The following RC3H2 variants were observed in gnomAD, a reference collection of about 807,000 sequenced individuals.
RC3H2 encodes roquin-2.
In RC3H2, 31 loss-of-function variants were observed where a neutral mutation model predicts 133.3. That is an observed-to-expected ratio of 0.23 (90% CI 0.17 to 0.31). RC3H2 has a LOEUF of 0.31. Among genes scored for constraint, RC3H2 ranks in the 10% least tolerant of loss-of-function variants. The pLI, the probability that RC3H2 is intolerant of heterozygous loss-of-function variation, is 1.00. For synonymous variants in RC3H2, 517 were observed against 502.2 expected (o/e 1.03, Z -0.40); for missense variants, 1,175 against 1,437.2 (o/e 0.82, Z 2.95).
chr9:122,877,729 C>A (rs898782980), intron 8 of RC3H2, 146 bp from the exon 9 acceptor site: 37 of 643,602 alleles, frequency 5.7e-5, no homozygotes, highest in Non-Finnish European at 9.2e-5. Context: ...ACTAATATTC[C>A]ATTGTTTCCT....
At chr9:122,867,248 C>G (rs1171377002) in intron 9 of RC3H2, among the ~76,000 whole-genome samples, 1 of 102,744 alleles carries the variant, frequency 9.7e-6, no homozygotes, top group Non-Finnish European at 2.1e-5. Flanking sequence ...ATCAGCCCCC[C>G]GCCCGGCCAG....
chr9:122,880,699 A>C lies in RC3H2; in HGVS notation c.855T>G (p.Val285=), dbSNP rs1372537152. ...GGAGTCCTGCTTCCATGGCAATATG[A>C]ACAATTTGGGCATCATGTTCTCTGC... The part of the protein sequence containing the change: ...ALRREHDAQI[V]HIAMEAGLRI... The change falls in exon 6 of 21, where the codon GTT becomes GTG. Residue 285 remains valine (V), a synonymous_variant. Transcript: ENST00000357244. 1.2e-6 allele frequency: 2 copies of C among 1,614,098 alleles called. No homozygotes were observed. Among genetic ancestry groups the C allele is most frequent in the Admixed American group, 1.7e-5 (1 of 60,026 alleles).
intron 1 of RC3H2, among the ~76,000 whole-genome samples, chr9:122,901,065 C>T (rs1046916880): frequency 1.4e-4 from 21 of 152,118 alleles, no homozygotes; most frequent in African/African-American, 4.6e-4. Context: ...CTTATTAGTC[C>T]ACCATATTAT....
At chr9:122,876,085 AAAG>A (rs1831322102) in intron 9 of RC3H2, among the ~76,000 whole-genome samples, 2 of 152,214 alleles carry the variant, frequency 1.3e-5, no homozygotes, top group African/African-American at 4.8e-5. Context: ...ACAAGGATGG[AAAG>A]AAGAATAAAG....
At position 122,854,755 on chromosome 9, in the gene RC3H2, C is replaced by A; in HGVS notation, c.2816-140G>T. 4 of 656,736 alleles carry A rather than the reference C, an allele frequency of 6.1e-6. No homozygotes were observed. The South Asian group carries it at 7.0e-5, about 11-fold the overall frequency. The allele number at this position is 656,736 out of a possible 1,614,324, so 40.7% of individuals were successfully genotyped here. A position where few individuals can be genotyped will look rare whatever the true frequency, so the allele number is the denominator to read the frequency against. On this transcript the variant is annotated intron_variant, in intron 15 of 20. Transcript: ENST00000357244. The stretch of plus-strand genomic sequence containing the variant: ...GTTAAACACCTAATTCTGAGTTTCC[C>A]ATGGTTGTTAAATGGAGGGAAATGT...
At chr9:122,899,524 T>C (rs967469452) in intron 1 of RC3H2, among the ~76,000 whole-genome samples, 4 of 152,250 alleles carry the variant, frequency 2.6e-5, no homozygotes, top group Non-Finnish European at 5.9e-5. Flanking sequence ...AATATCGTTA[T>C]CTTTAAAGTA....
chr9:122,897,212 C>T (rs1314500457), intron 2 of RC3H2, 67 bp downstream of exon 2: 8 of 1,442,970 alleles, frequency 5.5e-6, no homozygotes, highest in East Asian at 2.3e-5. Flanking sequence ...CTGGACAAGC[C>T]GTTAAAATAA....
intron 10 of RC3H2, among the ~76,000 whole-genome samples, chr9:122,862,274 G>C (rs897106825): frequency 4.6e-5 from 7 of 152,170 alleles, no homozygotes; most frequent in Non-Finnish European, 8.8e-5. Flanking sequence ...AATCATGCAA[G>C]CTATCTCAAA....
At chr9:122,850,396 T>C (rs1208904972) in intron 20 of RC3H2, among the ~76,000 whole-genome samples, 1 of 151,498 alleles carries the variant, frequency 6.6e-6, no homozygotes, top group Non-Finnish European at 1.5e-5. Flanking sequence ...ATGGCAGTAT[T>C]ATAGCCAAGA....
At chr9:122,849,963 A>C (rs1200467310) in intron 20 of RC3H2, 141 bp from the exon 21 acceptor site, 11 of 492,702 alleles carry the variant, frequency 2.2e-5, no homozygotes, top group Middle Eastern at 5.4e-4. Context: ...AAGTATCAGA[A>C]GTAACTAGAA....
rs2131377619 is a variant in RC3H2, at chr9:122,851,029, T to C, written c.3380+52A>G. The C allele has an allele frequency of 6.3e-6, 10 of 1,584,432 alleles. No individual in the cohort carries two copies. In the South Asian group the frequency reaches 1.0e-4, roughly 16 times the overall value. On this transcript the variant is annotated intron_variant, in intron 20 of 20. Coordinates refer to ENST00000357244, the MANE Select transcript of RC3H2 (RefSeq NM_001100588.3). Reference sequence around the variant, plus strand: ...CAAAAATTAATTTCGCATTTTTTTCTCTTTATTATGTCCTATGCCCACTGT... The same window carrying C: ...CAAAAATTAATTTCGCATTTTTTTCCCTTTATTATGTCCTATGCCCACTGT...
At chr9:122,902,352 C>T (rs1385729618) in intron 1 of RC3H2, among the ~76,000 whole-genome samples, 1 of 152,210 alleles carries the variant, frequency 6.6e-6, no homozygotes, top group Non-Finnish European at 1.5e-5. Flanking sequence ...CTTCATATTA[C>T]CAAAGTCCTT....
intron 9 of RC3H2, among the ~76,000 whole-genome samples, chr9:122,871,513 G>A (rs909284092): frequency 6.6e-6 from 1 of 151,206 alleles, no homozygotes; most frequent in Admixed American, 6.6e-5. Context: ...TAGTGGGGGG[G>A]GGGGTTTCAT....
intron 14 of RC3H2, 88 bp downstream of exon 14, chr9:122,855,644 T>A (rs1830214476): frequency 7.0e-7 from 1 of 1,422,172 alleles, no homozygotes; most frequent in South Asian, 1.4e-5. Flanking sequence ...ACAATATGAA[T>A]GAATGAATAG....
chr9:122,884,390 T>C (rs1831802995), intron 4 of RC3H2, among the ~76,000 whole-genome samples: 2 of 152,230 alleles, frequency 1.3e-5, no homozygotes. Flanking sequence ...TGCATGAGAC[T>C]GTTACTTTGC....
Position 122,858,876 on chromosome 9 carries a change from A to G in RC3H2, c.2076T>C (p.Ala692=), listed in dbSNP as rs754000071. 8.7e-6 allele frequency: 14 copies of G among 1,614,154 alleles called. No homozygotes were observed. In the Middle Eastern group the frequency reaches 4.9e-4, roughly 57 times the overall value. The change falls in exon 12 of 21, where the codon GCT becomes GCC. Residue 692 remains alanine, a synonymous_variant. Transcript: ENST00000357244. ...AGATGCGCCTGCTGTCGTACACAGG[A>G]GCATACATTCCAGAAGGTACTGGAG... ...PVPPVPSGMY[A]PVYDSRRIWR...
rs1172139882 is a variant in RC3H2, at chr9:122,865,505, G to T, written c.1478C>A (p.Thr493Lys). 1 of 1,614,172 alleles carries T rather than the reference G, an allele frequency of 6.2e-7. No homozygotes were observed. The highest frequency in any genetic ancestry group is 1.1e-5 in the South Asian group (1 of 91,086). The change falls in exon 10 of 21, where the codon ACA becomes AAA. Residue 493 changes from threonine to lysine, a missense_variant. By Grantham distance (78) the Thr-to-Lys change is moderately conservative. This residue lies in a region of RC3H2 where 490 missense variants were observed against 492.8 expected (regional missense o/e 0.99). Transcript: ENST00000357244. ...GTTTTCTGCATTTGAAATTCCGTTTGTACTTGGAACAATTTTCCCTGTTGT... is the reference window on the plus strand; with the variant it reads ...GTTTTCTGCATTTGAAATTCCGTTTTTACTTGGAACAATTTTCCCTGTTGT... ...TETTGKIVPSTNGISNAENSV... is the reference protein window; with the variant it reads ...TETTGKIVPSKNGISNAENSV...
chr9:122,883,548 C>G lies in RC3H2; in HGVS notation c.584-169G>C, dbSNP rs144700265. Among the ~76,000 whole-genome samples, 35 of 152,212 alleles carry G rather than the reference C, an allele frequency of 2.3e-4. No individual in the cohort carries two copies. The East Asian group carries it at 6.8e-3, about 29-fold the overall frequency. ...GTACATAATTTAAAAAGTAATCAAG[C>G]AAAATAAAACATACTTTCCATAAAT... On this transcript the variant is annotated intron_variant, in intron 4 of 20. Coordinates refer to ENST00000357244, the MANE Select transcript of RC3H2 (RefSeq NM_001100588.3).
chr9:122,873,736 A>G (rs183366155), intron 9 of RC3H2: 1 of 152,274 alleles, frequency 6.6e-6, no homozygotes, highest in Non-Finnish European at 1.5e-5. Flanking sequence ...CATGAGATAA[A>G]TGAAGTCCAG....
Sources: allele counts gnomAD v4.1 joint callset (sites outside exome capture counted in the v4.1 genomes callset), GRCh38; gene constraint gnomAD v4.1.1; regional missense constraint gnomAD v4.1.1; transcripts MANE v1.5; gene names NCBI Gene and HGNC (gene_info 2026-07-23, HGNC 2026-07-21).